The following RXFP1 variants were observed in gnomAD, a reference collection of about 807,000 sequenced individuals.
The protein encoded by RXFP1 is relaxin family peptide receptor 1, also known as relaxin receptor 1.
Under a neutral mutation model 89.8 loss-of-function variants are expected in RXFP1, and 73 were observed. The ratio of observed to expected loss-of-function variants is 0.81; its 90% CI spans 0.67 to 0.99. The LOEUF (loss-of-function observed/expected upper bound fraction) is 0.99, where lower values mean the gene tolerates loss of function less well. RXFP1 is among the 50% of genes least tolerant of loss of function. RXFP1 has a pLI of 0.00. For synonymous variants in RXFP1, 277 were observed against 305.5 expected, an observed-to-expected ratio of 0.91 and a Z score of 0.97; for missense variants, 793 against 895.5, an observed-to-expected ratio of 0.89 and a Z score of 1.46.
chr4:158,556,852 C>T (rs927656287), intron 1 of RXFP1, among the ~76,000 whole-genome samples: 2 of 152,070 alleles, frequency 1.3e-5, no homozygotes, highest in Non-Finnish European at 1.5e-5. Flanking sequence ...TCTGCATGAT[C>T]GCATTCATAT....
At chr4:158,601,875 T>C (rs1434086964) in intron 4 of RXFP1, among the ~76,000 whole-genome samples, 1 of 152,220 alleles carries the variant, frequency 6.6e-6, no homozygotes, top group African/African-American at 2.4e-5. Flanking sequence ...TTTTACTTTT[T>C]TCTAGCTTGA....
intron 1 of RXFP1, among the ~76,000 whole-genome samples, chr4:158,528,393 C>CTG (rs1743136222): frequency 6.6e-6 from 1 of 152,160 alleles, no homozygotes; most frequent in Non-Finnish European, 1.5e-5. Context: ...GTAGTTCCAG[C>CTG]TACTCGGGAA....
At chr4:158,621,119 C>T (rs1169160654) in intron 9 of RXFP1, among the ~76,000 whole-genome samples, 1 of 151,714 alleles carries the variant, frequency 6.6e-6, no homozygotes, top group African/African-American at 2.4e-5. Flanking sequence ...GCCTGGGCGA[C>T]AGTGAGACTC....
At chr4:158,605,891 T>C (rs772979574) in intron 5 of RXFP1, among the ~76,000 whole-genome samples, 3 of 152,190 alleles carry the variant, frequency 2.0e-5, no homozygotes, top group Non-Finnish European at 4.4e-5. Flanking sequence ...GGTTTTACAA[T>C]AGGGAAACCT....
intron 2 of RXFP1, among the ~76,000 whole-genome samples, chr4:158,584,518 C>G (rs996641019): frequency 6.6e-6 from 1 of 152,088 alleles, no homozygotes; most frequent in Non-Finnish European, 1.5e-5. Flanking sequence ...TAAGCATGTA[C>G]ACTTATTAAA....
chr4:158,613,163 A>C (rs1341325496), intron 8 of RXFP1, among the ~76,000 whole-genome samples: 1 of 152,236 alleles, frequency 6.6e-6, no homozygotes, highest in East Asian at 1.9e-4. Context: ...AAGAGCTAAC[A>C]ATCATCTGAG....
rs773988519 is a variant in RXFP1 at position 158,599,319 on chromosome 4, G to C, written c.287-7G>C. 5 of 1,613,472 alleles carry C rather than the reference G, an allele frequency of 3.1e-6. No individual in the cohort carries two copies. The African/African-American group carries it at 6.7e-5, about 22-fold the overall frequency. On this transcript the variant is annotated splice_region_variant and splice_polypyrimidine_tract_variant and intron_variant, in intron 3 of 17. Coordinates refer to ENST00000307765, the MANE Select transcript of RXFP1 (RefSeq NM_021634.4). ...TCATCATGCCTTACCACTTCCCCTTGATTCAGTGGTCGGTTCTGTGCCAGT... is the reference window on the plus strand; with the variant it reads ...TCATCATGCCTTACCACTTCCCCTTCATTCAGTGGTCGGTTCTGTGCCAGT...
intron 6 of RXFP1, 127 bp downstream of exon 6, chr4:158,608,170 G>A: frequency 1.8e-6 from 1 of 554,532 alleles, no homozygotes; most frequent in Non-Finnish European, 3.2e-6. Context: ...TGAAGGGGCA[G>A]TAGAGCACCG....
chr4:158,639,252 A>AT lies in RXFP1; in HGVS notation c.1044-3dup. ...TCCTTTGATTGATTATTAATTTGAT[A>AT]TTTTTAGCAGCCTAGAAGGGATTGA... On this transcript the variant is annotated splice_region_variant and splice_polypyrimidine_tract_variant and intron_variant, in intron 13 of 17. Coordinates refer to ENST00000307765, the MANE Select transcript of RXFP1 (RefSeq NM_021634.4). 6.7e-7 allele frequency: 1 copy of AT among 1,485,470 alleles called. No homozygotes were observed. The highest frequency in any genetic ancestry group is 9.4e-7 in the Non-Finnish European group (1 of 1,065,358). The allele number at this position is 1,485,470 out of a possible 1,614,324, so 92.0% of individuals were successfully genotyped here.
intron 1 of RXFP1, among the ~76,000 whole-genome samples, chr4:158,557,904 A>G (rs1751646309): frequency 6.6e-6 from 1 of 152,084 alleles, no homozygotes; most frequent in Non-Finnish European, 1.5e-5. Flanking sequence ...TTGCTACTCG[A>G]TCTCTGTTAA....
At chr4:158,587,039 A>G (rs1209996319) in intron 2 of RXFP1, among the ~76,000 whole-genome samples, 2 of 152,218 alleles carry the variant, frequency 1.3e-5, no homozygotes, top group Non-Finnish European at 2.9e-5. Context: ...AGCAGCAGTG[A>G]AACATTACCC....
chr4:158,561,215 C>A lies in RXFP1; in HGVS notation c.50-11483C>A, dbSNP rs571688276. On this transcript the variant is annotated intron_variant, in intron 1 of 17. Transcript: ENST00000307765. ...ACAAAGAATAATGAACTGTTTTAAA[C>A]AGCATCTTAAATGTAATGATTAATT... is the stretch of plus-strand genomic sequence containing the variant. Among the ~76,000 whole-genome samples the A allele has an allele frequency of 1.4e-4, 21 of 152,266 alleles. No homozygotes were observed. In the South Asian group the frequency reaches 4.1e-3, roughly 30 times the overall value.
rs558848231 is a variant in RXFP1 at position 158,647,679 on chromosome 4, G to A, written c.1756+478G>A. The stretch of plus-strand genomic sequence containing the variant: ...AGGCCAGGAGTTGAGACCAGCCTGG[G>A]CAACATAGCAAGACCCCATCTCTAC... On this transcript the variant is annotated intron_variant, in intron 16 of 17. Transcript: ENST00000307765. 3.9e-5 allele frequency among the ~76,000 whole-genome samples: 6 copies of A among 152,054 alleles called. No homozygotes were observed. In the East Asian group the frequency reaches 9.7e-4, roughly 25 times the overall value.
At chr4:158,554,963 TA>T (rs1376237906) in intron 1 of RXFP1, among the ~76,000 whole-genome samples, 9 of 152,266 alleles carry the variant, frequency 5.9e-5, no homozygotes, top group Non-Finnish European at 2.9e-5. Context: ...CACAATACTT[TA>T]AAAAAATAAA....
chr4:158,577,759 G>C (rs1241467617), intron 2 of RXFP1, among the ~76,000 whole-genome samples: 3 of 152,064 alleles, frequency 2.0e-5, no homozygotes. Flanking sequence ...GAATTAAACT[G>C]AGTCTCTATA....
Position 158,633,423 on chromosome 4 carries a change from G to A in RXFP1, c.918G>A (p.Lys306=), listed in dbSNP as rs921879759. The change falls in exon 12 of 18, where the codon AAG becomes AAA. Residue 306 remains lysine, a synonymous_variant. Transcript: ENST00000307765. ...TCTCCAGGGATTTAGGAAGTAATAA[G>A]ATTGAAAATCTTCCACCGCTTATAT... ...KLDELDLGSN[K]IENLPPLIFK... 2 of 1,596,702 alleles carry A rather than the reference G, an allele frequency of 1.3e-6. No individual in the cohort carries two copies. The highest frequency in any genetic ancestry group is 1.7e-5 in the Admixed American group (1 of 59,656).
intron 14 of RXFP1, among the ~76,000 whole-genome samples, chr4:158,640,933 T>G (rs1392591915): frequency 6.6e-6 from 1 of 152,246 alleles, no homozygotes; most frequent in Non-Finnish European, 1.5e-5. Context: ...AAAGAGTATG[T>G]CTAGTTGTAC....
intron 2 of RXFP1, among the ~76,000 whole-genome samples, chr4:158,581,123 C>T (rs1305833960): frequency 3.3e-5 from 5 of 152,094 alleles, no homozygotes; most frequent in Non-Finnish European, 7.4e-5. Context: ...ATATTCTAAC[C>T]CTCCTAGGAA....
chr4:158,589,256 T>C (rs993195493), intron 2 of RXFP1, among the ~76,000 whole-genome samples: 1 of 152,148 alleles, frequency 6.6e-6, no homozygotes, highest in African/African-American at 2.4e-5. Context: ...GTGGGTATTA[T>C]TACAATTCAA....
Sources: allele counts gnomAD v4.1 joint callset (sites outside exome capture counted in the v4.1 genomes callset), GRCh38; gene constraint gnomAD v4.1.1; transcripts MANE v1.5; gene names NCBI Gene and HGNC (gene_info 2026-07-23, HGNC 2026-07-21).